The following KNDC1 variants were observed in gnomAD, a reference collection of about 807,000 sequenced individuals.
KNDC1 encodes the protein kinase non-catalytic C-lobe domain-containing protein 1.
A neutral mutation model predicts 172.8 loss-of-function variants in KNDC1; 106 were observed. The observed-to-expected ratio is 0.61, with a 90% CI of 0.52 to 0.72. KNDC1 has a LOEUF of 0.72. Ranked by LOEUF, KNDC1 falls within the 30% of genes least tolerant of loss-of-function variation. The pLI is 0.00. For synonymous variants in KNDC1, 1,083 were observed against 1,062.2 expected, an observed-to-expected ratio of 1.02 and a Z score of -0.38; for missense variants, 2,325 against 2,394.5, an observed-to-expected ratio of 0.97 and a Z score of 0.61.
intron 20 of KNDC1, among the ~76,000 whole-genome samples, chr10:133,210,029 C>T (rs893386217): frequency 2.0e-5 from 3 of 152,064 alleles, no homozygotes; most frequent in African/African-American, 7.2e-5. Context: ...CTCAGCTTCC[C>T]GAGCTAACGG....
Position 133,198,432 on chromosome 10 carries a change from G to T in KNDC1, c.2002G>T (p.Ala668Ser). 1 of 1,602,778 alleles carries T rather than the reference G, an allele frequency of 6.2e-7. No individual in the cohort carries two copies. Among genetic ancestry groups the T allele is most frequent in the Non-Finnish European group, 8.5e-7 (1 of 1,175,310 alleles). Residue 668 changes from alanine to serine, a missense_variant, in exon 13 of 30, where the codon GCA becomes TCA. By Grantham distance (99) the Ala-to-Ser change is moderately conservative. Transcript: ENST00000304613. Reference protein sequence around the residue: ...PCGEEATQLPAAFTSEATHFK... With the variant: ...PCGEEATQLPSAFTSEATHFK... ...CGGTGAAGAAGCCACCCAGCTGCCT[G>T]CAGCGTTCACCTCCGAGGCCACGCA...
At chr10:133,199,343 G>C in intron 14 of KNDC1, 77 bp downstream of exon 14, 2 of 1,557,052 alleles carry the variant, frequency 1.3e-6, no homozygotes, top group Non-Finnish European at 1.7e-6. Context: ...GCCGCCCCAC[G>C]CCCTTCCCCC....
chr10:133,191,821 G>A lies in KNDC1; in HGVS notation c.1575+2008G>A, dbSNP rs559474897. Among the ~76,000 whole-genome samples, 25 of 152,330 alleles carry A rather than the reference G, an allele frequency of 1.6e-4. No homozygotes were observed. In the East Asian group the frequency reaches 3.9e-3, roughly 23 times the overall value. ...CAACCAAACCCCACAGGAGCACTGC[G>A]GCCCCGCCCAGCAAGGGCCGAGCCT... On this transcript the variant is annotated intron_variant, in intron 9 of 29. Coordinates refer to ENST00000304613, the MANE Select transcript of KNDC1 (RefSeq NM_152643.8).
rs1853161051 is a variant in KNDC1, at chr10:133,166,510, GTA to G, written c.103-869_103-868del. ...TTAGGCATGTGTGCGGTGGCATGTA[GTA>G]TGTGTGTGAGTGTGAGGTGTGTGTG... On this transcript the variant is annotated intron_variant, in intron 1 of 29. Coordinates refer to ENST00000304613, the MANE Select transcript of KNDC1 (RefSeq NM_152643.8). Among the ~76,000 whole-genome samples the G allele has an allele frequency of 2.0e-5, 3 of 152,248 alleles. No individual in the cohort carries two copies. The South Asian group carries it at 6.2e-4, about 32-fold the overall frequency.
intron 3 of KNDC1, among the ~76,000 whole-genome samples, chr10:133,169,049 C>T (rs914910167): frequency 2.6e-4 from 39 of 152,236 alleles, no homozygotes; most frequent in Non-Finnish European, 5.0e-4. Flanking sequence ...CCTACTGTCA[C>T]GAAGCCCATG....
chr10:133,198,528 G>A (rs1389962983), intron 13 of KNDC1, 29 bp downstream of exon 13: 1 of 1,585,396 alleles, frequency 6.3e-7, no homozygotes, highest in Non-Finnish European at 8.6e-7. Flanking sequence ...CCCCGGAGCT[G>A]CTGGGTCCCG....
chr10:133,205,356 C>G (rs1178027366), intron 17 of KNDC1, among the ~76,000 whole-genome samples: 1 of 152,268 alleles, frequency 6.6e-6, no homozygotes, highest in Non-Finnish European at 1.5e-5. Flanking sequence ...TCGCCCCCAG[C>G]TCCTGTGATC....
In KNDC1 at chr10:133,209,369, G is replaced by A. The variant is rs898035190; in HGVS notation, c.3795-1242G>A. Among the ~76,000 whole-genome samples the A allele has an allele frequency of 2.6e-5, 4 of 151,466 alleles. No individual in the cohort carries two copies. The highest frequency in any genetic ancestry group is 6.6e-5 in the Admixed American group (1 of 15,218). On this transcript the variant is annotated intron_variant, in intron 20 of 29. Coordinates refer to ENST00000304613, the MANE Select transcript of KNDC1 (RefSeq NM_152643.8). This position sits in a 1 kb window ranked among gnomAD's most constrained non-coding sequence, Gnocchi z 4.9. ...GGGGTATAGTGTGTGCACATGTGGT[G>A]TGAGGTATAGTGTGGCATGTGTGCA... is the stretch of plus-strand genomic sequence containing the variant.
chr10:133,168,140 G>A, intron 2 of KNDC1, 114 bp from the exon 3 acceptor site: 2 of 886,452 alleles, frequency 2.3e-6, no homozygotes, highest in Admixed American at 1.7e-5. Flanking sequence ...GGGGACACCA[G>A]GTCTGCGGGG....
intron 7 of KNDC1, 97 bp downstream of exon 7, chr10:133,188,750 A>C (rs1231443039): frequency 9.4e-5 from 36 of 382,598 alleles, no homozygotes; most frequent in African/African-American, 3.2e-4. Context: ...CCCACCCCCC[A>C]CACCGTCCCA....
chr10:133,198,064 C>T (rs1443651539), intron 12 of KNDC1, among the ~76,000 whole-genome samples: 1 of 152,172 alleles, frequency 6.6e-6, no homozygotes, highest in Admixed American at 6.5e-5. Context: ...CCCACCCCAC[C>T]CCCGTACTGA....
chr10:133,163,060 A>G lies in KNDC1; in HGVS notation c.102+2491A>G, dbSNP rs1043795835. On this transcript the variant is annotated intron_variant, in intron 1 of 29. Transcript: ENST00000304613. This position sits in a 1 kb window ranked among gnomAD's most constrained non-coding sequence, Gnocchi z 4.4. ...TGGAGGTGTCCTGCCCGGGATTCCC[A>G]TGAGATTTCAGTCACTGTGGATGGG... is the stretch of plus-strand genomic sequence containing the variant. Among the ~76,000 whole-genome samples the G allele has an allele frequency of 1.3e-4, 20 of 152,108 alleles. No individual in the cohort carries two copies. The highest frequency in any genetic ancestry group is 6.5e-4 in the Admixed American group (10 of 15,274).
chr10:133,201,383 C>T (rs1353604019), intron 16 of KNDC1, 118 bp from the exon 17 acceptor site: 14 of 1,136,354 alleles, frequency 1.2e-5, no homozygotes, highest in Admixed American at 4.7e-5. Context: ...CCGTGGTGGG[C>T]GGGTGCAAGA....
intron 1 of KNDC1, among the ~76,000 whole-genome samples, chr10:133,166,592 A>G (rs963480024): frequency 3.3e-5 from 5 of 151,952 alleles, no homozygotes; most frequent in African/African-American, 4.8e-5. Flanking sequence ...AGCGGATGGA[A>G]CTGTGAGTGT....
chr10:133,172,280 G>A (rs942956047), intron 3 of KNDC1, among the ~76,000 whole-genome samples: 8 of 152,172 alleles, frequency 5.3e-5, no homozygotes, highest in African/African-American at 1.7e-4. Context: ...GAGTTTGATC[G>A]TGAATGTGTG....
intron 9 of KNDC1, among the ~76,000 whole-genome samples, chr10:133,192,164 A>T (rs1854084122): frequency 6.6e-6 from 1 of 152,254 alleles, no homozygotes; most frequent in African/African-American, 2.4e-5. Context: ...TCTAAAATTC[A>T]TATGGAACCA....
chr10:133,169,820 C>CT (rs1202176209), intron 3 of KNDC1, among the ~76,000 whole-genome samples: 1 of 152,226 alleles, frequency 6.6e-6, no homozygotes, highest in Non-Finnish European at 1.5e-5. Context: ...TAGTTTTGTG[C>CT]TTGCGTTCCT....
At position 133,201,461 on chromosome 10, in the gene KNDC1, G is replaced by T. The variant is rs758644785; in HGVS notation, c.2990-40G>T. 9 of 1,546,802 alleles carry T rather than the reference G, an allele frequency of 5.8e-6. No homozygotes were observed. In the Admixed American group the frequency reaches 1.2e-4, roughly 20 times the overall value. ...ACAGCCTGCCCGGGCTCCGCCCACA[G>T]GAGCCACTGTCCACGTAACCTGCGT... is the stretch of plus-strand genomic sequence containing the variant. On this transcript the variant is annotated intron_variant, in intron 16 of 29. Transcript: ENST00000304613.
rs748390663 is a variant in KNDC1, at chr10:133,183,496, C to T, written c.507+6C>T. On this transcript the variant is annotated splice_donor_region_variant and intron_variant, in intron 4 of 29. Coordinates refer to ENST00000304613, the MANE Select transcript of KNDC1 (RefSeq NM_152643.8). ...GGGACCGGCCGGACCTTGAGGTAAG[C>T]GAGGCTGCCCTGGGCCACCCCAGGC... The T allele has an allele frequency of 4.7e-5, 75 of 1,595,886 alleles. No individual in the cohort carries two copies. Among genetic ancestry groups the T allele is most frequent in the Middle Eastern group, 4.5e-4 (2 of 4,480 alleles).
Sources: allele counts gnomAD v4.1 joint callset (sites outside exome capture counted in the v4.1 genomes callset), GRCh38; gene constraint gnomAD v4.1.1; non-coding constraint Gnocchi (gnomAD v3.1); transcripts MANE v1.5; gene names NCBI Gene and HGNC (gene_info 2026-07-23, HGNC 2026-07-21).